Variants in DPP10 observed in about 807,000 individuals in gnomAD.
DPP10 encodes inactive dipeptidyl peptidase 10.
A neutral mutation model predicts 120.9 loss-of-function variants in DPP10; 33 were observed. The ratio of observed to expected loss-of-function variants is 0.27; its 90% confidence interval spans 0.21 to 0.37. DPP10 has a LOEUF of 0.37. DPP10 is among the 10% of genes least tolerant of loss of function. The pLI is 1.00. For synonymous variants in DPP10, 337 were observed against 326.1 expected (o/e 1.03, Z -0.36); for missense variants, 816 against 942.8 (o/e 0.87, Z 1.76).
intron 17 of DPP10, among the ~76,000 whole-genome samples, chr2:115,790,590 A>G (rs897044305): frequency 6.6e-6 from 1 of 152,136 alleles, no homozygotes; most frequent in African/African-American, 2.4e-5. Flanking sequence ...AATATCACCC[A>G]GTATATTTTT....
chr2:115,667,030 C>G (rs910841329), intron 5 of DPP10, among the ~76,000 whole-genome samples: 1 of 152,126 alleles, frequency 6.6e-6, no homozygotes, highest in Non-Finnish European at 1.5e-5. Flanking sequence ...TGAGACCTCT[C>G]CAGCCATGCA....
intron 1 of DPP10, among the ~76,000 whole-genome samples, chr2:115,291,482 G>A (rs1363778136): frequency 6.6e-6 from 1 of 152,078 alleles, no homozygotes; most frequent in Non-Finnish European, 1.5e-5. Context: ...TTAATGGTGT[G>A]TTTTGTCTTT....
chr2:114,616,598 C>A (rs967729460), intron 1 of DPP10, among the ~76,000 whole-genome samples: 1 of 152,036 alleles, frequency 6.6e-6, no homozygotes, highest in Non-Finnish European at 1.5e-5. Context: ...CCTTTGCAGA[C>A]GTGGGGACTG....
chr2:115,579,006 ACACT>A (rs1358145553), intron 5 of DPP10: 2 of 152,198 alleles, frequency 1.3e-5, no homozygotes, highest in Non-Finnish European at 2.9e-5. Context: ...TTTCTAACCA[ACACT>A]CACATAGTGT....
At chr2:115,627,231 A>G (rs2085436862) in intron 5 of DPP10, among the ~76,000 whole-genome samples, 1 of 152,206 alleles carries the variant, frequency 6.6e-6, no homozygotes, top group Admixed American at 6.5e-5. Flanking sequence ...TATTGCTGAT[A>G]GAGGGATTCC....
chr2:115,074,027 G>C (rs979134016), intron 1 of DPP10, among the ~76,000 whole-genome samples: 1 of 152,218 alleles, frequency 6.6e-6, no homozygotes, highest in South Asian at 2.1e-4. Context: ...TTTTGATTTT[G>C]TTTTGATAGA....
chr2:114,466,859 C>T (rs1002573147), intron 1 of DPP10, among the ~76,000 whole-genome samples: 4 of 152,052 alleles, frequency 2.6e-5, no homozygotes, highest in African/African-American at 2.4e-5. Context: ...ACATGGCCAA[C>T]ATGATGAAAC....
chr2:115,834,883 G>C (rs1392002738), intron 21 of DPP10, among the ~76,000 whole-genome samples: 2 of 151,984 alleles, frequency 1.3e-5, no homozygotes, highest in Admixed American at 6.6e-5. Flanking sequence ...TCAGGAGATC[G>C]AGACCATCCT....
chr2:114,461,036 C>CA (rs1236592942), intron 1 of DPP10, among the ~76,000 whole-genome samples: 9 of 152,134 alleles, frequency 5.9e-5, no homozygotes, highest in Admixed American at 4.6e-4. Flanking sequence ...CCAGTTAAGG[C>CA]AAAACCAGCT....
At chr2:114,616,227 C>T (rs756969757) in intron 1 of DPP10, among the ~76,000 whole-genome samples, 1 of 152,142 alleles carries the variant, frequency 6.6e-6, no homozygotes, top group Non-Finnish European at 1.5e-5. Context: ...GACTTTGTAG[C>T]GACTCCCATT....
chr2:115,621,180 C>A (rs1016624776), intron 5 of DPP10, among the ~76,000 whole-genome samples: 4 of 152,138 alleles, frequency 2.6e-5, no homozygotes, highest in Admixed American at 1.3e-4. Context: ...TGAATTAGAG[C>A]ATAACAATTA....
chr2:114,787,582 T>C (rs1311107341), intron 1 of DPP10, among the ~76,000 whole-genome samples: 2 of 152,218 alleles, frequency 1.3e-5, no homozygotes, highest in Non-Finnish European at 2.9e-5. Flanking sequence ...CTTGCTGCTC[T>C]CTAAAGCAAT....
intron 1 of DPP10, among the ~76,000 whole-genome samples, chr2:114,751,339 C>T (rs1283427270): frequency 6.6e-6 from 1 of 152,170 alleles, no homozygotes; most frequent in Non-Finnish European, 1.5e-5. Context: ...TGCTACCTGA[C>T]CTTTTTACAA....
At chr2:114,650,354 C>A (rs2105480247) in intron 1 of DPP10, among the ~76,000 whole-genome samples, 1 of 152,178 alleles carries the variant, frequency 6.6e-6, no homozygotes, top group Non-Finnish European at 1.5e-5. Context: ...CCAGCAATAT[C>A]CCTAATTTTA....
chr2:115,711,188 G>T (rs1463789398), intron 7 of DPP10, among the ~76,000 whole-genome samples: 1 of 152,058 alleles, frequency 6.6e-6, no homozygotes, highest in Non-Finnish European at 1.5e-5. Context: ...TGGATTCGCT[G>T]TCTTAGAACC....
intron 21 of DPP10, among the ~76,000 whole-genome samples, chr2:115,832,860 G>A (rs1433159692): frequency 1.3e-5 from 2 of 151,906 alleles, no homozygotes; most frequent in African/African-American, 4.8e-5. Context: ...CTAAGAAGAT[G>A]TTTCCGGTAG....
intron 1 of DPP10, among the ~76,000 whole-genome samples, chr2:115,133,625 TG>T (rs1176733842): frequency 1.3e-5 from 2 of 152,132 alleles, no homozygotes; most frequent in Non-Finnish European, 2.9e-5. Context: ...TCTGAGAAGA[TG>T]AGTGAGCTGC....
At chr2:115,765,097 G>A (rs1468512773) in intron 12 of DPP10, among the ~76,000 whole-genome samples, 1 of 152,006 alleles carries the variant, frequency 6.6e-6, no homozygotes, top group Non-Finnish European at 1.5e-5. Flanking sequence ...CCATCTGTGT[G>A]GAGCTGAATG....
intron 1 of DPP10, among the ~76,000 whole-genome samples, chr2:114,529,557 T>C (rs1247081489): frequency 1.3e-5 from 2 of 152,170 alleles, no homozygotes; most frequent in Non-Finnish European, 2.9e-5. Context: ...TTCCTTGAAA[T>C]TGCCATGGGA....
Sources: gnomAD v4.1 joint callset for allele counts (sites outside exome capture counted in the v4.1 genomes callset) on GRCh38, gnomAD v4.1.1 for gene constraint, MANE v1.5 for transcripts, NCBI Gene and HGNC (gene_info 2026-07-23, HGNC 2026-07-21) for gene names.